ERC2: variants seen among roughly 807,000 people sequenced by gnomAD.
The protein encoded by ERC2 is ELKS/RAB6-interacting/CAST family member 2.
ERC2 carries 42 observed loss-of-function variants against 114.8 expected under a neutral mutation model. That is an observed-to-expected ratio of 0.37 (90% CI 0.29 to 0.47). ERC2 has a LOEUF of 0.47. Among genes scored for constraint, ERC2 ranks in the 20% least tolerant of loss-of-function variants. The probability of loss-of-function intolerance (pLI) is 0.99; values close to 1 mark genes in which losing one functional copy is unlikely to be tolerated. For synonymous variants in ERC2, 454 were observed against 425.5 expected (o/e 1.07, Z -0.82); for missense variants, 939 against 1,150.7 (o/e 0.82, Z 2.66).
intron 3 of ERC2, among the ~76,000 whole-genome samples, chr3:56,186,513 T>G (rs1477372336): frequency 6.6e-6 from 1 of 152,004 alleles, no homozygotes; most frequent in Non-Finnish European, 1.5e-5. Flanking sequence ...TTTGTTGTTG[T>G]TGGTTTTGTT....
intron 3 of ERC2, among the ~76,000 whole-genome samples, chr3:56,258,898 G>C (rs1254847505): frequency 1.3e-5 from 2 of 152,040 alleles, no homozygotes; most frequent in Non-Finnish European, 2.9e-5. Flanking sequence ...AGTTAATATA[G>C]GAAAATTGTA....
chr3:56,067,864 C>T (rs918693497), intron 7 of ERC2, among the ~76,000 whole-genome samples: 2 of 152,174 alleles, frequency 1.3e-5, no homozygotes, highest in African/African-American at 4.8e-5. Flanking sequence ...GTATGTTGAA[C>T]CAGACTTGCA....
At chr3:55,767,629 G>C (rs1165745261) in intron 14 of ERC2, among the ~76,000 whole-genome samples, 1 of 152,124 alleles carries the variant, frequency 6.6e-6, no homozygotes, top group Admixed American at 6.5e-5. Flanking sequence ...TCAAGACTCA[G>C]CTTAAACTAG....
At chr3:56,149,868 G>C (rs2081327746) in intron 4 of ERC2, among the ~76,000 whole-genome samples, 1 of 152,004 alleles carries the variant, frequency 6.6e-6, no homozygotes, top group East Asian at 1.9e-4. Context: ...AATTAATTGG[G>C]AAAAAATTAC....
chr3:56,245,414 T>C (rs2051615062), intron 3 of ERC2, among the ~76,000 whole-genome samples: 1 of 152,084 alleles, frequency 6.6e-6, no homozygotes, highest in South Asian at 2.1e-4. Flanking sequence ...GTGCTCCTTG[T>C]ATTGCTAGCT....
chr3:56,425,431 A>T (rs1003352884), intron 2 of ERC2, among the ~76,000 whole-genome samples: 1 of 152,214 alleles, frequency 6.6e-6, no homozygotes, highest in Non-Finnish European at 1.5e-5. Context: ...AGAACCAGAG[A>T]TGAAGCAATG....
chr3:56,040,783 T>TAA (rs2075143039), intron 7 of ERC2, among the ~76,000 whole-genome samples: 1 of 45,810 alleles, frequency 2.2e-5, no homozygotes, highest in African/African-American at 5.6e-5. Flanking sequence ...TATATAGAGA[T>TAA]ATATATAGAT....
At chr3:56,294,575 T>C (rs1226054729) in intron 3 of ERC2, among the ~76,000 whole-genome samples, 1 of 152,244 alleles carries the variant, frequency 6.6e-6, no homozygotes, top group Non-Finnish European at 1.5e-5. Context: ...CATCAAAGCA[T>C]GCAAGCTATG....
At chr3:56,076,861 A>C (rs962359730) in intron 7 of ERC2, among the ~76,000 whole-genome samples, 1 of 152,194 alleles carries the variant, frequency 6.6e-6, no homozygotes, top group Non-Finnish European at 1.5e-5. Flanking sequence ...CAGAGCTCTG[A>C]AGGCAAAGCT....
At chr3:56,100,307 C>T (rs1259527565) in intron 6 of ERC2, among the ~76,000 whole-genome samples, 1 of 152,094 alleles carries the variant, frequency 6.6e-6, no homozygotes, top group African/African-American at 2.4e-5. Flanking sequence ...TTTTCCCTCT[C>T]CTGCCAAAAA....
Position 55,553,077 on chromosome 3 carries a change from A to G in ERC2, c.*40-41801T>C, listed in dbSNP as rs1003591977. On this transcript the variant is annotated intron_variant, in intron 17 of 17. Transcript: ENST00000288221. ...CATTCTGTCACCCAGGCTGGAGTGC[A>G]GTGGTGCAATCTCGGCTCACTGCAG... is the stretch of plus-strand genomic sequence containing the variant. Among the ~76,000 whole-genome samples, 5 of 119,402 alleles carry G rather than the reference A, an allele frequency of 4.2e-5. No homozygotes were observed. In the East Asian group the frequency reaches 1.4e-3, roughly 34 times the overall value. The allele number at this position is 119,402 out of a possible 152,430, so 78.3% of individuals were successfully genotyped here.
intron 13 of ERC2, among the ~76,000 whole-genome samples, chr3:55,945,075 A>T (rs1428193198): frequency 6.6e-6 from 1 of 152,252 alleles, no homozygotes; most frequent in Non-Finnish European, 1.5e-5. Flanking sequence ...AACACTTCAC[A>T]GCATTAAAAA....
At chr3:55,514,692 C>G (rs547028460) in intron 17 of ERC2, among the ~76,000 whole-genome samples, 1 of 152,134 alleles carries the variant, frequency 6.6e-6, no homozygotes, top group Non-Finnish European at 1.5e-5. Flanking sequence ...CCTACAACCA[C>G]GAGGAAATGA....
chr3:55,795,790 C>G (rs1575620855), intron 14 of ERC2, among the ~76,000 whole-genome samples: 1 of 152,180 alleles, frequency 6.6e-6, no homozygotes, highest in East Asian at 1.9e-4. Context: ...TCTGTGAAAC[C>G]TGAGTCTCCT....
chr3:56,355,117 T>A (rs1000313700), intron 2 of ERC2, among the ~76,000 whole-genome samples: 4 of 152,178 alleles, frequency 2.6e-5, no homozygotes, highest in Non-Finnish European at 4.4e-5. Context: ...TTTTCTTTTT[T>A]AATCACAAAT....
intron 14 of ERC2, among the ~76,000 whole-genome samples, chr3:55,737,448 T>C (rs2065705514): frequency 6.6e-6 from 1 of 152,210 alleles, no homozygotes; most frequent in African/African-American, 2.4e-5. Flanking sequence ...GAAGAGGCTA[T>C]ACAGACTTTA....
In ERC2 at chr3:55,606,010, G is replaced by A. The variant is rs1284100491; in HGVS notation, c.*39+77784C>T. Among the ~76,000 whole-genome samples the A allele has an allele frequency of 7.2e-5, 11 of 152,270 alleles. No individual in the cohort carries two copies. The East Asian group carries it at 1.7e-3, about 24-fold the overall frequency. ...TAAAAGTCAGACCCAGGAGAGTTGA[G>A]TACAGACGGTTGCACAAGAAGCATA... On this transcript the variant is annotated intron_variant, in intron 17 of 17. Transcript: ENST00000288221.
chr3:55,652,700 C>T (rs1167668480), intron 17 of ERC2, among the ~76,000 whole-genome samples: 3 of 151,790 alleles, frequency 2.0e-5, no homozygotes, highest in African/African-American at 7.3e-5. Context: ...AGTGAAACCC[C>T]ATCTCTCTTA....
chr3:55,796,100 T>A (rs1336800476), intron 14 of ERC2, among the ~76,000 whole-genome samples: 1 of 152,140 alleles, frequency 6.6e-6, no homozygotes, highest in Non-Finnish European at 1.5e-5. Context: ...TAGAAAGAAA[T>A]CAAGGCAGGC....
Sources: allele counts gnomAD v4.1 joint callset (sites outside exome capture counted in the v4.1 genomes callset), GRCh38; gene constraint gnomAD v4.1.1; transcripts MANE v1.5; gene names NCBI Gene and HGNC (gene_info 2026-07-23, HGNC 2026-07-21).